Variants in MFHAS1 observed in about 807,000 individuals in gnomAD.
MFHAS1 encodes malignant fibrous histiocytoma-amplified sequence 1.
MFHAS1 carries 50 observed loss-of-function variants against 70.4 expected under a neutral mutation model. That is an observed-to-expected ratio of 0.71 (90% CI 0.57 to 0.90). The LOEUF (loss-of-function observed/expected upper bound fraction) is 0.90, where lower values mean the gene tolerates loss of function less well. Among genes scored for constraint, MFHAS1 ranks in the 40% least tolerant of loss-of-function variants. The pLI, the probability that MFHAS1 is intolerant of heterozygous loss-of-function variation, is 0.00. For synonymous variants in MFHAS1, 952 were observed against 620.0 expected, an observed-to-expected ratio of 1.54 and a Z score of -7.96; for missense variants, 1,795 against 1,347.6, an observed-to-expected ratio of 1.33 and a Z score of -5.20.
chr8:8,817,448 T>C (rs1322443129), intron 1 of MFHAS1, among the ~76,000 whole-genome samples: 1 of 152,232 alleles, frequency 6.6e-6, no homozygotes, highest in African/African-American at 2.4e-5. Flanking sequence ...ATGGCCTCAT[T>C]CCTCCTCACA....
At chr8:8,843,756 T>A (rs1401629976) in intron 1 of MFHAS1, among the ~76,000 whole-genome samples, 3 of 152,084 alleles carry the variant, frequency 2.0e-5, no homozygotes, top group East Asian at 1.9e-4. Flanking sequence ...CCTGCTCCCA[T>A]AAACATCAGC....
At chr8:8,833,212 A>G (rs1807473035) in intron 1 of MFHAS1, among the ~76,000 whole-genome samples, 1 of 152,110 alleles carries the variant, frequency 6.6e-6, no homozygotes, top group Non-Finnish European at 1.5e-5. Context: ...ATCATCTCCC[A>G]CCAGGCCCCA....
At chr8:8,861,102 T>C (rs999334482) in intron 1 of MFHAS1, among the ~76,000 whole-genome samples, 1 of 152,214 alleles carries the variant, frequency 6.6e-6, no homozygotes, top group Non-Finnish European at 1.5e-5. Context: ...TTTACATTCA[T>C]CCACTGTAAT....
At chr8:8,888,695 G>A (rs767034397) in intron 1 of MFHAS1, among the ~76,000 whole-genome samples, 2 of 152,164 alleles carry the variant, frequency 1.3e-5, no homozygotes, top group South Asian at 2.1e-4. Context: ...TGTGGTTGCC[G>A]GGGTTGGGGG....
chr8:8,804,340 T>C lies in MFHAS1; in HGVS notation c.2999-6849A>G, dbSNP rs1009072461. ...GTAAGGAAATTTCCATTTTCAGGCA[T>C]TTGTGGAATTCTCAAGTCCGGTTTT... On this transcript the variant is annotated intron_variant, in intron 1 of 2. Coordinates refer to ENST00000276282, the MANE Select transcript of MFHAS1 (RefSeq NM_004225.3). Among the ~76,000 whole-genome samples, 8 of 152,294 alleles carry C rather than the reference T, an allele frequency of 5.3e-5. No homozygotes were observed. The East Asian group carries it at 1.2e-3, about 22-fold the overall frequency.
chr8:8,868,621 G>C (rs1808952540), intron 1 of MFHAS1, among the ~76,000 whole-genome samples: 1 of 151,956 alleles, frequency 6.6e-6, no homozygotes, highest in East Asian at 1.9e-4. Context: ...TGGAAGATGA[G>C]GCCGCTCACA....
intron 1 of MFHAS1, among the ~76,000 whole-genome samples, chr8:8,853,961 T>C (rs887889656): frequency 1.3e-5 from 2 of 152,236 alleles, no homozygotes; most frequent in African/African-American, 4.8e-5. Flanking sequence ...AATTCCCATG[T>C]TGCATTCCAT....
chr8:8,890,393 G>A lies in MFHAS1; in HGVS notation c.2666C>T (p.Thr889Ile). ...QLQIEYSFPF[T>I]FPLGLFARYS... ...GCGTGCAAACAACCCAAGTGGAAAA[G>A]TAAAAGGAAAGCTATATTCAATCTG... Residue 889 changes from threonine to isoleucine, a missense_variant, in exon 1 of 3, where the codon ACT (threonine) becomes ATT (isoleucine). Transcript: ENST00000276282. The A allele has an allele frequency of 1.2e-6, 2 of 1,614,088 alleles. No individual in the cohort carries two copies. Among genetic ancestry groups the A allele is most frequent in the Non-Finnish European group, 1.7e-6 (2 of 1,180,032 alleles).
intron 1 of MFHAS1, among the ~76,000 whole-genome samples, chr8:8,810,689 A>G (rs1806513368): frequency 1.3e-5 from 2 of 152,208 alleles, no homozygotes; most frequent in Admixed American, 1.3e-4. Context: ...TGAACTACTG[A>G]TGTTATCCGT....
At chr8:8,856,286 C>G (rs918145558) in intron 1 of MFHAS1, among the ~76,000 whole-genome samples, 1 of 152,188 alleles carries the variant, frequency 6.6e-6, no homozygotes, top group Non-Finnish European at 1.5e-5. Flanking sequence ...AGATCTGTCC[C>G]GAGCTCACTC....
chr8:8,810,922 G>T (rs1329772646), intron 1 of MFHAS1, among the ~76,000 whole-genome samples: 1 of 152,176 alleles, frequency 6.6e-6, no homozygotes, highest in Non-Finnish European at 1.5e-5. Context: ...GTCTGGTAGA[G>T]CTGAGGCCTC....
chr8:8,829,481 G>C (rs1807287923), intron 1 of MFHAS1, among the ~76,000 whole-genome samples: 1 of 152,220 alleles, frequency 6.6e-6, no homozygotes. Flanking sequence ...AGGAGTTCAA[G>C]ACCAGCCTGG....
chr8:8,812,265 G>C (rs993650566), intron 1 of MFHAS1, among the ~76,000 whole-genome samples: 6 of 152,110 alleles, frequency 3.9e-5, no homozygotes, highest in African/African-American at 1.4e-4. Flanking sequence ...TCATTTAGTG[G>C]TTCAGGGGTG....
rs376836580 is a variant in MFHAS1, at chr8:8,881,275, G to C, written c.2998+8786C>G. On this transcript the variant is annotated intron_variant, in intron 1 of 2. Transcript: ENST00000276282. ...TAGTGCCAAAAATAAAAATAACTCA[G>C]AATGTTTCCTTCTTGGTCTCCAGAA... 4.9e-4 allele frequency among the ~76,000 whole-genome samples: 75 copies of C among 152,296 alleles called. No homozygotes were observed. In the South Asian group the frequency reaches 0.015, roughly 30 times the overall value.
intron 1 of MFHAS1, among the ~76,000 whole-genome samples, chr8:8,881,351 C>A (rs964901545): frequency 2.0e-5 from 3 of 152,200 alleles, no homozygotes; most frequent in Non-Finnish European, 4.4e-5. Flanking sequence ...TCCACGCAGC[C>A]ACCATCATAT....
intron 1 of MFHAS1, among the ~76,000 whole-genome samples, chr8:8,819,231 C>T (rs577069726): frequency 2.6e-5 from 4 of 152,206 alleles, no homozygotes; most frequent in African/African-American, 9.6e-5. Flanking sequence ...ACTTTCTCTC[C>T]CTACTCATTA....
At chr8:8,797,572 G>A (rs997964258) in intron 1 of MFHAS1, 81 bp from the exon 2 acceptor site, 14 of 1,469,820 alleles carry the variant, frequency 9.5e-6, no homozygotes, top group Admixed American at 9.2e-5. Flanking sequence ...ACTGCCCGGG[G>A]ATGGGGGCAG....
chr8:8,873,093 GC>G (rs966306886), intron 1 of MFHAS1, among the ~76,000 whole-genome samples: 6 of 152,224 alleles, frequency 3.9e-5, no homozygotes, highest in South Asian at 2.1e-4. Context: ...CTCTAGGCAA[GC>G]CAGTGAGCCA....
intron 1 of MFHAS1, among the ~76,000 whole-genome samples, chr8:8,886,473 C>T (rs1391203755): frequency 6.6e-6 from 1 of 152,142 alleles, no homozygotes; most frequent in Non-Finnish European, 1.5e-5. Flanking sequence ...CTGCCCATTA[C>T]TTTTCTTGTA....
Sources: allele counts gnomAD v4.1 joint callset (sites outside exome capture counted in the v4.1 genomes callset), GRCh38; gene constraint gnomAD v4.1.1; transcripts MANE v1.5; gene names NCBI Gene and HGNC (gene_info 2026-07-23, HGNC 2026-07-21).